Variants in RGL3 observed in about 807,000 individuals in gnomAD.
The protein encoded by RGL3 is ral guanine nucleotide dissociation stimulator-like 3.
In RGL3, 85 loss-of-function variants were observed where a neutral mutation model predicts 90.6. The ratio of observed to expected loss-of-function variants is 0.94; its 90% confidence interval spans 0.79 to 1.12. The LOEUF (loss-of-function observed/expected upper bound fraction) is 1.12. Ranked by LOEUF, RGL3 falls within the 50% of genes most tolerant of loss-of-function variation. RGL3 has a pLI of 0.00. For missense variants in RGL3, 1,034 were observed against 939.2 expected, an observed-to-expected ratio of 1.10 and a Z score of -1.32; for synonymous variants, 408 against 385.5, an observed-to-expected ratio of 1.06 and a Z score of -0.68.
At chr19:11,398,508 G>A (rs1968615745) in intron 16 of RGL3, among the ~76,000 whole-genome samples, 1 of 151,944 alleles carries the variant, frequency 6.6e-6, no homozygotes. Context: ...ACTATGCCCA[G>A]CTAATGTTTT....
chr19:11,395,871 C>T (rs1022943721), intron 18 of RGL3, among the ~76,000 whole-genome samples: 19 of 151,090 alleles, frequency 1.3e-4, no homozygotes, highest in African/African-American at 4.6e-4. Context: ...TCGTGATCCA[C>T]CCGCCTCGGC....
intron 14 of RGL3, 26 bp downstream of exon 14, chr19:11,400,176 G>A (rs770679737): frequency 2.2e-5 from 35 of 1,563,444 alleles, no homozygotes; most frequent in Middle Eastern, 3.4e-4. Context: ...CCACATCACC[G>A]CCCCTACACA....
At chr19:11,407,032 C>T (rs1444933702) in intron 5 of RGL3, 168 bp from the exon 6 acceptor site, 1 of 624,552 alleles carries the variant, frequency 1.6e-6, no homozygotes, top group Non-Finnish European at 2.7e-6. Context: ...GTTGCCCAAG[C>T]TGGAGTACAA....
rs939479396 is a variant in RGL3, at chr19:11,406,592, C to T, written c.823G>A (p.Val275Met). The T allele has an allele frequency of 6.4e-7, 1 of 1,552,882 alleles. No homozygotes were observed. The highest frequency in any genetic ancestry group is 8.7e-7 in the Non-Finnish European group (1 of 1,148,446). ...KVRLYECLGSVWSQRDRPGAA... is the reference protein window; with the variant it reads ...KVRLYECLGSMWSQRDRPGAA... Reference sequence around the variant, plus strand: ...CCCGGCCGGTCCCTCTGCGACCACACGGAGCCCAAGCACTCGTAGAGCCTC... The same window carrying T: ...CCCGGCCGGTCCCTCTGCGACCACATGGAGCCCAAGCACTCGTAGAGCCTC... Residue 275 changes from valine to methionine, a missense_variant, in exon 7 of 19, where the codon GTG (valine) becomes ATG (methionine). Physicochemically the swap from Val to Met is conservative, Grantham distance 21. Coordinates refer to ENST00000380456, the MANE Select transcript of RGL3 (RefSeq NM_001035223.4).
intron 5 of RGL3, among the ~76,000 whole-genome samples, chr19:11,409,505 A>G (rs1259270917): frequency 6.6e-6 from 1 of 152,026 alleles, no homozygotes; most frequent in African/African-American, 2.4e-5. Flanking sequence ...AACAAAACAA[A>G]CAAACAAACA....
chr19:11,415,496 A>G (rs1188134413), intron 5 of RGL3, among the ~76,000 whole-genome samples: 2 of 151,806 alleles, frequency 1.3e-5, no homozygotes, highest in Non-Finnish European at 2.9e-5. Context: ...TTTTTTTTAG[A>G]CGGAGTTTCG....
intron 16 of RGL3, among the ~76,000 whole-genome samples, chr19:11,399,284 A>C (rs1423567288): frequency 1.3e-5 from 2 of 151,944 alleles, no homozygotes; most frequent in Non-Finnish European, 2.9e-5. Flanking sequence ...AAAAAAGTGT[A>C]GGCTGGGTGC....
In RGL3 at chr19:11,402,013, C is replaced by T; in HGVS notation, c.1482G>A (p.Gln494=). ...LHAQNQLTEE[Q]SYRLSRVIEP... is the part of the protein sequence containing the mutation. ...GGGACAGGCTACAGGGTGGTCACCTCTGCTCCTCGGTGAGCTGGTTCTGGG... is the reference window on the plus strand; with the variant it reads ...GGGACAGGCTACAGGGTGGTCACCTTTGCTCCTCGGTGAGCTGGTTCTGGG... Residue 494 remains glutamine (Q), a splice_region_variant and synonymous_variant, in exon 13 of 19, where the codon CAG becomes CAA. Coordinates refer to ENST00000380456, the MANE Select transcript of RGL3 (RefSeq NM_001035223.4). 2 of 1,544,918 alleles carry T rather than the reference C, an allele frequency of 1.3e-6. No homozygotes were observed. Among genetic ancestry groups the T allele is most frequent in the Non-Finnish European group, 1.7e-6 (2 of 1,147,478 alleles).
chr19:11,411,653 G>C lies in RGL3; in HGVS notation c.637+4284C>G, dbSNP rs188532943. Reference sequence around the variant, plus strand: ...TTTTCTGTTTTTGAGGCAGGGTCTCGCTCTGTCACCTAGGCTGGAGTACAG... The same window carrying C: ...TTTTCTGTTTTTGAGGCAGGGTCTCCCTCTGTCACCTAGGCTGGAGTACAG... On this transcript the variant is annotated intron_variant, in intron 5 of 18. Transcript: ENST00000380456. 4.0e-3 allele frequency among the ~76,000 whole-genome samples: 604 copies of C among 152,266 alleles called. 5 individuals carry two copies. Among genetic ancestry groups the C allele is most frequent in the African/African-American group, 0.014 (580 of 41,548 alleles).
In RGL3 at chr19:11,394,363, C is replaced by A. The variant is rs761775588; in HGVS notation, c.*39G>T. The A allele has an allele frequency of 6.7e-7, 1 of 1,499,648 alleles. No homozygotes were observed. Among genetic ancestry groups the A allele is most frequent in the Non-Finnish European group, 9.3e-7 (1 of 1,075,816 alleles). 92.9% of individuals were successfully genotyped at this position (1,499,648 alleles called of 1,614,324 possible). The stretch of plus-strand genomic sequence containing the variant: ...TTCCAGGAGAAGAGTCGCAAGCTTG[C>A]CTGTGGGACTTGTGTCTTGTGGAGA... On this transcript the variant is annotated 3_prime_UTR_variant, in exon 19 of 19. Transcript: ENST00000380456.
intron 18 of RGL3, among the ~76,000 whole-genome samples, chr19:11,396,078 C>A (rs1968560185): frequency 7.2e-6 from 1 of 139,748 alleles, no homozygotes; most frequent in Non-Finnish European, 1.5e-5. Flanking sequence ...GGAATACAGG[C>A]ACATGCCACC....
At chr19:11,394,569 AC>A in intron 18 of RGL3, 49 bp from the exon 19 acceptor site, 1 of 1,430,362 alleles carries the variant, frequency 7.0e-7, no homozygotes. Flanking sequence ...ACCTTGTGTC[AC>A]CCCCACAGAG....
rs202085360 is a variant in RGL3, at chr19:11,416,077, G to C, written c.497C>G (p.Ser166Trp). ...PQDFRDHPAH[S>W]DLGSVRTFLG... is the part of the protein sequence containing the mutation. ...AAAGGTTCGGACACTGCCCAGGTCC[G>C]AATGGGCAGGGTGGTCTCGGAAATC... The change falls in exon 5 of 19, where the codon TCG becomes TGG. Residue 166 changes from serine (S) to tryptophan (W), a missense_variant. Transcript: ENST00000380456. The C allele has an allele frequency of 1.1e-4, 171 of 1,611,454 alleles. No homozygotes were observed. The Middle Eastern group carries it at 5.3e-3, about 50-fold the overall frequency.
chr19:11,404,320 G>A (rs1474389220), intron 9 of RGL3, among the ~76,000 whole-genome samples: 3 of 152,152 alleles, frequency 2.0e-5, no homozygotes, highest in Admixed American at 6.5e-5. Context: ...CTCAGGTCAG[G>A]GATTCGAGAC....
In RGL3 at chr19:11,414,515, A is replaced by ACC. The variant is rs1568342060; in HGVS notation, c.637+1421_637+1422insGG. On this transcript the variant is annotated intron_variant, in intron 5 of 18. Transcript: ENST00000380456. ...CATATATATATATATATATATATAT[A>ACC]TATATATATATATACCTTTATATAT... Among the ~76,000 whole-genome samples, 15 of 111,592 alleles carry ACC rather than the reference A, an allele frequency of 1.3e-4. 2 individuals carry two copies. The highest frequency in any genetic ancestry group is 3.6e-4 in the African/African-American group (10 of 27,734). 73.2% of individuals were successfully genotyped at this position (111,592 alleles called of 152,430 possible).
At position 11,415,875 on chromosome 19, in the gene RGL3, TG is replaced by T. The variant is rs1451721598; in HGVS notation, c.637+61del. The T allele has an allele frequency of 2.1e-6, 3 of 1,410,002 alleles. No homozygotes were observed. In the East Asian group the frequency reaches 7.2e-5, roughly 34 times the overall value. 87.3% of individuals were successfully genotyped at this position (1,410,002 alleles called of 1,614,324 possible). A position where few individuals can be genotyped will look rare whatever the true frequency, so the allele number is the denominator to read the frequency against. On this transcript the variant is annotated intron_variant, in intron 5 of 18. Coordinates refer to ENST00000380456, the MANE Select transcript of RGL3 (RefSeq NM_001035223.4). Reference sequence around the variant, plus strand: ...GCTCTGAGAGGGGAGAGAAAGCCTGTGTGGGAAGAAGCAGACAGGAAAGGCC... The same window carrying T: ...GCTCTGAGAGGGGAGAGAAAGCCTGTTGGGAAGAAGCAGACAGGAAAGGCC...
At chr19:11,406,989 AAT>A in intron 5 of RGL3, 125 bp from the exon 6 acceptor site, 42 of 1,015,012 alleles carry the variant, frequency 4.1e-5, no homozygotes, top group South Asian at 8.7e-5. Flanking sequence ...AGCTCTCTTA[AAT>A]TTTTTTTTTT....
Position 11,394,464 on chromosome 19 carries a change from T to C in RGL3, c.2071A>G (p.Arg691Gly), listed in dbSNP as rs1968530075. The C allele has an allele frequency of 1.9e-6, 3 of 1,613,800 alleles. No individual in the cohort carries two copies. The highest frequency in any genetic ancestry group is 1.7e-5 in the Admixed American group (1 of 59,960). ...VFYAMSPVAP[R>G]DFMLRRKEGT... ...TCTTTCCGCCGCAGCATGAAGTCTC[T>C]GGGGGCGACTGGACTCATGGCATAG... The change falls in exon 19 of 19, where the codon AGA becomes GGA. Residue 691 changes from arginine (R) to glycine (G), a missense_variant. Arg to Gly is a moderately radical substitution (Grantham distance 125, BLOSUM62 -2). Coordinates refer to ENST00000380456, the MANE Select transcript of RGL3 (RefSeq NM_001035223.4).
chr19:11,408,380 G>A (rs988289386), intron 5 of RGL3, among the ~76,000 whole-genome samples: 5 of 152,110 alleles, frequency 3.3e-5, no homozygotes, highest in Non-Finnish European at 5.9e-5. Flanking sequence ...TCAGGAGTTC[G>A]AGACCAGCGT....
Sources: allele counts gnomAD v4.1 joint callset (sites outside exome capture counted in the v4.1 genomes callset), GRCh38; gene constraint gnomAD v4.1.1; transcripts MANE v1.5; gene names NCBI Gene and HGNC (gene_info 2026-07-23, HGNC 2026-07-21).